The following PDE5A variants were observed in gnomAD, a reference collection of about 807,000 sequenced individuals.
PDE5A encodes cGMP-specific 3',5'-cyclic phosphodiesterase.
PDE5A carries 67 observed loss-of-function variants against 110.2 expected under a neutral mutation model. The observed-to-expected ratio is 0.61, with a 90% CI of 0.50 to 0.75. PDE5A has a LOEUF of 0.75. PDE5A is among the 30% of genes least tolerant of loss of function. The pLI is 0.00. For missense variants in PDE5A, 862 were observed against 1,045.1 expected, an observed-to-expected ratio of 0.82 and a Z score of 2.42; for synonymous variants, 328 against 351.2, an observed-to-expected ratio of 0.93 and a Z score of 0.74.
intron 3 of PDE5A, among the ~76,000 whole-genome samples, chr4:119,572,038 G>A (rs745824244): frequency 1.3e-5 from 2 of 152,070 alleles, no homozygotes; most frequent in East Asian, 3.9e-4. Flanking sequence ...TTAGAATACC[G>A]CAATGTCCTG....
intron 3 of PDE5A, among the ~76,000 whole-genome samples, chr4:119,578,669 C>A (rs1158588142): frequency 6.6e-6 from 1 of 152,144 alleles, no homozygotes; most frequent in Non-Finnish European, 1.5e-5. Context: ...CTTCCTTACA[C>A]CTTATACAAA....
chr4:119,561,291 T>TC (rs1195575129), intron 6 of PDE5A, among the ~76,000 whole-genome samples: 1 of 152,238 alleles, frequency 6.6e-6, no homozygotes, highest in Non-Finnish European at 1.5e-5. Context: ...TCTTACATTT[T>TC]CACCTTTGCT....
chr4:119,537,596 A>G (rs555306281), intron 11 of PDE5A, among the ~76,000 whole-genome samples: 4 of 151,928 alleles, frequency 2.6e-5, no homozygotes, highest in African/African-American at 9.7e-5. Flanking sequence ...TTCTGTTCTC[A>G]GTCTCTCTAC....
At chr4:119,519,012 A>G (rs1348372756) in intron 14 of PDE5A, 33 bp downstream of exon 14, 1 of 1,506,914 alleles carries the variant, frequency 6.6e-7, no homozygotes, top group Non-Finnish European at 9.2e-7. Flanking sequence ...AATTAAAAGA[A>G]AACATTTTCT....
intron 14 of PDE5A, among the ~76,000 whole-genome samples, chr4:119,515,961 C>G (rs1725895750): frequency 1.3e-5 from 2 of 152,166 alleles, no homozygotes; most frequent in South Asian, 4.1e-4. Context: ...TTTTATAACC[C>G]TGCATCAAAA....
intron 13 of PDE5A, among the ~76,000 whole-genome samples, chr4:119,520,533 T>G (rs143711055): frequency 6.6e-6 from 1 of 152,216 alleles, no homozygotes; most frequent in African/African-American, 2.4e-5. Flanking sequence ...AACTTATCAA[T>G]GAAGCAAGTT....
chr4:119,549,478 T>C (rs536104836), intron 9 of PDE5A: 9 of 152,224 alleles, frequency 5.9e-5, no homozygotes, highest in Non-Finnish European at 1.2e-4. Flanking sequence ...CAATGTGTGG[T>C]ACAGCACTGT....
chr4:119,508,426 A>G (rs1252611760), intron 15 of PDE5A, among the ~76,000 whole-genome samples: 1 of 152,018 alleles, frequency 6.6e-6, no homozygotes, highest in Admixed American at 6.6e-5. Context: ...TCAGAATACA[A>G]TCAAAACAAC....
intron 1 of PDE5A, among the ~76,000 whole-genome samples, chr4:119,614,380 C>A (rs1191022262): frequency 6.6e-6 from 1 of 152,124 alleles, no homozygotes; most frequent in Non-Finnish European, 1.5e-5. Context: ...TAAGTAGTAT[C>A]TGAAATTCAA....
chr4:119,498,759 A>T (rs769151564), intron 20 of PDE5A, 21 bp from the exon 21 acceptor site: 4 of 1,613,378 alleles, frequency 2.5e-6, no homozygotes, highest in Non-Finnish European at 3.4e-6. Flanking sequence ...AAAAGAAAGC[A>T]AACAGCTAGA....
intron 1 of PDE5A, among the ~76,000 whole-genome samples, chr4:119,622,495 T>C (rs1730184934): frequency 6.6e-6 from 1 of 152,198 alleles, no homozygotes; most frequent in Non-Finnish European, 1.5e-5. Context: ...TCCCCTCTCC[T>C]GAAGATTAAA....
intron 11 of PDE5A, 53 bp downstream of exon 11, chr4:119,538,907 G>C (rs913930807): frequency 9.2e-5 from 124 of 1,343,186 alleles, no homozygotes; most frequent in Non-Finnish European, 1.3e-4. Flanking sequence ...ACCAAATTTG[G>C]TTAAATTAGG....
At chr4:119,519,818 T>C (rs1726059428) in intron 13 of PDE5A, among the ~76,000 whole-genome samples, 1 of 152,110 alleles carries the variant, frequency 6.6e-6, no homozygotes, top group African/African-American at 2.4e-5. Flanking sequence ...CAGTTTTCAG[T>C]GTTGATAATC....
chr4:119,602,932 A>G (rs1248678543), intron 2 of PDE5A, among the ~76,000 whole-genome samples: 1 of 152,196 alleles, frequency 6.6e-6, no homozygotes, highest in African/African-American at 2.4e-5. Context: ...TGGAGTAGAA[A>G]CAGGACATGA....
intron 3 of PDE5A, among the ~76,000 whole-genome samples, chr4:119,593,239 T>TC (rs1466637031): frequency 2.0e-5 from 3 of 152,208 alleles, no homozygotes; most frequent in African/African-American, 7.2e-5. Flanking sequence ...ACCCAAAAGA[T>TC]GTGAAAGCAT....
At chr4:119,608,694 G>T (rs1729628837) in intron 1 of PDE5A, among the ~76,000 whole-genome samples, 1 of 152,022 alleles carries the variant, frequency 6.6e-6, no homozygotes, top group Non-Finnish European at 1.5e-5. Flanking sequence ...CTATAACTGA[G>T]GATATTTCAA....
At position 119,505,303 on chromosome 4, in the gene PDE5A, C is replaced by T. The variant is rs369333965; in HGVS notation, c.2267+552G>A. ...CATTTGGTTATCCACTTATCTCTCT[C>T]TTTCCTCCAGTCACTGGAAATGTTA... On this transcript the variant is annotated intron_variant, in intron 17 of 20. Coordinates refer to ENST00000354960, the MANE Select transcript of PDE5A (RefSeq NM_001083.4). 7.3e-4 allele frequency among the ~76,000 whole-genome samples: 111 copies of T among 152,038 alleles called. 1 individual carries two copies. The highest frequency in any genetic ancestry group is 2.6e-3 in the African/African-American group (107 of 41,526).
intron 4 of PDE5A, 71 bp downstream of exon 4, chr4:119,567,002 C>A: frequency 9.8e-7 from 1 of 1,024,434 alleles, no homozygotes; most frequent in Non-Finnish European, 1.5e-6. Context: ...ACAGCTAAAC[C>A]TAGAGGTGTA....
intron 3 of PDE5A, among the ~76,000 whole-genome samples, chr4:119,584,275 G>C (rs1238245182): frequency 1.3e-5 from 2 of 152,200 alleles, no homozygotes; most frequent in African/African-American, 4.8e-5. Flanking sequence ...GGGGAGAAGA[G>C]AAAGGATTAG....
Sources: allele counts gnomAD v4.1 joint callset (sites outside exome capture counted in the v4.1 genomes callset), GRCh38; gene constraint gnomAD v4.1.1; transcripts MANE v1.5; gene names NCBI Gene and HGNC (gene_info 2026-07-23, HGNC 2026-07-21).